UQCC1: variants seen among roughly 807,000 people sequenced by gnomAD.
UQCC1 encodes the protein ubiquinol-cytochrome c reductase complex assembly factor 1, also known as bFGF-repressed Zic-binding protein.
A neutral mutation model predicts 48.0 loss-of-function variants in UQCC1; 38 were observed. The ratio of observed to expected loss-of-function variants is 0.79; its 90% CI spans 0.61 to 1.04. The LOEUF (loss-of-function observed/expected upper bound fraction) is 1.04. Ranked by LOEUF, UQCC1 falls within the 50% of genes least tolerant of loss-of-function variation. The pLI is 0.00. For missense variants in UQCC1, 368 were observed against 381.8 expected (o/e 0.96, Z 0.30); for synonymous variants, 111 against 129.2 (o/e 0.86, Z 0.95).
chr20:35,367,443 G>A (rs1203652254), intron 5 of UQCC1, among the ~76,000 whole-genome samples: 1 of 152,064 alleles, frequency 6.6e-6, no homozygotes, highest in Non-Finnish European at 1.5e-5. Flanking sequence ...GGATATGGGT[G>A]TGCTAAATGA....
chr20:35,407,762 C>T (rs1049755096), intron 1 of UQCC1, among the ~76,000 whole-genome samples: 3 of 152,186 alleles, frequency 2.0e-5, no homozygotes, highest in African/African-American at 7.2e-5. Flanking sequence ...GTGGCTCACG[C>T]CTGTAATCCC....
chr20:35,411,861 C>T, intron 1 of UQCC1, 79 bp downstream of exon 1: 1 of 1,594,050 alleles, frequency 6.3e-7, no homozygotes, highest in Non-Finnish European at 8.6e-7. Flanking sequence ...GCGATTCCTT[C>T]CAATTCCTCC....
intron 7 of UQCC1, among the ~76,000 whole-genome samples, chr20:35,334,387 G>T (rs998543954): frequency 6.6e-6 from 1 of 152,172 alleles, no homozygotes; most frequent in African/African-American, 2.4e-5. Flanking sequence ...TACCATTGCA[G>T]GAGAAGTAAG....
chr20:35,314,174 G>C (rs1441594701), intron 8 of UQCC1, among the ~76,000 whole-genome samples: 1 of 151,822 alleles, frequency 6.6e-6, no homozygotes, highest in East Asian at 1.9e-4. Flanking sequence ...ATGTTGGCCA[G>C]GCTGGTCTCG....
At chr20:35,400,591 G>A (rs932182110) in intron 1 of UQCC1, among the ~76,000 whole-genome samples, 1 of 151,426 alleles carries the variant, frequency 6.6e-6, no homozygotes, top group Non-Finnish European at 1.5e-5. Context: ...CGCCTCCCAG[G>A]TTCACGCCAT....
chr20:35,348,693 A>G (rs1411081009), intron 6 of UQCC1, among the ~76,000 whole-genome samples: 2 of 152,186 alleles, frequency 1.3e-5, no homozygotes, highest in African/African-American at 4.8e-5. Context: ...TCATTCTGTC[A>G]CCCAGGCCGG....
At chr20:35,401,522 C>T (rs2062164575) in intron 1 of UQCC1, among the ~76,000 whole-genome samples, 1 of 152,154 alleles carries the variant, frequency 6.6e-6, no homozygotes, top group South Asian at 2.1e-4. Flanking sequence ...TCTTACCCCT[C>T]TGCAAATGTC....
chr20:35,343,080 C>G (rs184027850), intron 7 of UQCC1, among the ~76,000 whole-genome samples: 321 of 152,268 alleles, frequency 2.1e-3, no homozygotes, highest in African/African-American at 7.1e-3. Flanking sequence ...CACACCAATC[C>G]ACTCAAAGCA....
At chr20:35,409,676 T>C (rs1342656067) in intron 1 of UQCC1, among the ~76,000 whole-genome samples, 3 of 152,194 alleles carry the variant, frequency 2.0e-5, no homozygotes, top group African/African-American at 7.2e-5. Flanking sequence ...CTCTCTGCTG[T>C]AGTCATTCAA....
At chr20:35,321,264 G>A (rs1055470919) in intron 7 of UQCC1, among the ~76,000 whole-genome samples, 1 of 148,062 alleles carries the variant, frequency 6.8e-6, no homozygotes, top group African/African-American at 2.6e-5. Context: ...GTGTGTGTGT[G>A]TGTGTGTGTG....
intron 7 of UQCC1, among the ~76,000 whole-genome samples, chr20:35,316,890 G>A (rs533044453): frequency 1.3e-5 from 2 of 151,236 alleles, no homozygotes; most frequent in Admixed American, 6.6e-5. Context: ...CACCCGCCTC[G>A]GCCTCCTAAA....
intron 7 of UQCC1, among the ~76,000 whole-genome samples, chr20:35,330,907 G>C (rs1192644909): frequency 2.0e-5 from 3 of 152,108 alleles, no homozygotes. Flanking sequence ...GTAGCTCCAA[G>C]ATTGGTGAGT....
At chr20:35,405,109 G>A (rs1441708150) in intron 1 of UQCC1, among the ~76,000 whole-genome samples, 2 of 152,262 alleles carry the variant, frequency 1.3e-5, no homozygotes, top group South Asian at 2.1e-4. Flanking sequence ...CAGAGTTATC[G>A]AATGCCTGGC....
At chr20:35,323,698 C>G (rs1042784701) in intron 7 of UQCC1, among the ~76,000 whole-genome samples, 3 of 152,222 alleles carry the variant, frequency 2.0e-5, no homozygotes, top group Admixed American at 2.0e-4. Flanking sequence ...CACCCAGAGG[C>G]TATTCCATGG....
intron 7 of UQCC1, chr20:35,346,416 C>T (rs559789080): frequency 4.3e-5 from 7 of 161,430 alleles, no homozygotes; most frequent in South Asian, 1.8e-4. Flanking sequence ...AGCGAGACCA[C>T]GAACCCACTG....
intron 9 of UQCC1, among the ~76,000 whole-genome samples, chr20:35,305,993 C>T (rs1285748064): frequency 1.3e-5 from 2 of 152,172 alleles, no homozygotes; most frequent in African/African-American, 2.4e-5. Context: ...CCAGTCAGCT[C>T]ACTCATCTAT....
intron 4 of UQCC1, among the ~76,000 whole-genome samples, chr20:35,378,742 G>C (rs908595366): frequency 6.6e-6 from 1 of 152,214 alleles, no homozygotes; most frequent in Admixed American, 6.5e-5. Flanking sequence ...CTGGGCCTCT[G>C]TTCAAACAAG....
At chr20:35,322,180 C>T (rs1172346443) in intron 7 of UQCC1, among the ~76,000 whole-genome samples, 1 of 152,124 alleles carries the variant, frequency 6.6e-6, no homozygotes, top group Non-Finnish European at 1.5e-5. Flanking sequence ...GAAGCCAACA[C>T]CTGGCTTGAA....
chr20:35,391,421 A>G (rs1279194984), intron 2 of UQCC1, among the ~76,000 whole-genome samples: 4 of 152,140 alleles, frequency 2.6e-5, no homozygotes, highest in Non-Finnish European at 5.9e-5. Flanking sequence ...CAGGAGTTTG[A>G]GACCAGCCTG....
Sources: allele counts gnomAD v4.1 joint callset (sites outside exome capture counted in the v4.1 genomes callset), GRCh38; gene constraint gnomAD v4.1.1; transcripts MANE v1.5; gene names NCBI Gene and HGNC (gene_info 2026-07-23, HGNC 2026-07-21).